LRP1B: variants seen among roughly 807,000 people sequenced by gnomAD.
LRP1B encodes the protein low-density lipoprotein receptor-related protein 1B.
A neutral mutation model predicts 556.6 loss-of-function variants in LRP1B; 217 were observed. The observed-to-expected ratio is 0.39, with a 90% CI of 0.35 to 0.44. The LOEUF is 0.44. LRP1B is among the 20% of genes least tolerant of loss of function. LRP1B has a pLI of 1.00. For missense variants in LRP1B, 5,053 were observed against 5,620.8 expected (o/e 0.90, Z 3.23); for synonymous variants, 2,047 against 1,865.8 (o/e 1.10, Z -2.50).
At chr2:141,801,150 C>T (rs11673948) in intron 2 of LRP1B, among the ~76,000 whole-genome samples, 27,894 of 151,990 alleles carry the variant, frequency 0.18, 2,982 homozygotes, top group East Asian at 0.39. Flanking sequence ...TAATCTAATA[C>T]AGATTATAAC....
intron 1 of LRP1B, among the ~76,000 whole-genome samples, chr2:141,944,325 T>C (rs550111433): frequency 6.6e-6 from 1 of 152,318 alleles, no homozygotes; most frequent in Admixed American, 6.5e-5. Context: ...TGAAAAGATA[T>C]AATACTGGTT....
At chr2:141,922,420 T>C (rs1172297339) in intron 1 of LRP1B, among the ~76,000 whole-genome samples, 2 of 152,198 alleles carry the variant, frequency 1.3e-5, no homozygotes, top group Non-Finnish European at 2.9e-5. Context: ...TGCTACTGTT[T>C]ACAGTTCAGT....
intron 20 of LRP1B, among the ~76,000 whole-genome samples, chr2:140,927,581 CTGTT>C (rs1348924278): frequency 9.9e-5 from 15 of 151,742 alleles, no homozygotes; most frequent in Admixed American, 5.3e-4. Context: ...GCTGTTCAGC[CTGTT>C]TGTTTTCTAA....
intron 7 of LRP1B, among the ~76,000 whole-genome samples, chr2:141,105,210 G>T (rs1186937067): frequency 6.6e-6 from 1 of 152,048 alleles, no homozygotes; most frequent in Non-Finnish European, 1.5e-5. Flanking sequence ...TCTTCAAAAT[G>T]TGGGGAAAAA....
At chr2:142,025,642 G>A (rs1703477825) in intron 1 of LRP1B, among the ~76,000 whole-genome samples, 1 of 152,106 alleles carries the variant, frequency 6.6e-6, no homozygotes, top group African/African-American at 2.4e-5. Context: ...CCCCGGGTGG[G>A]TATGGTGTCA....
chr2:141,831,729 T>C (rs1182667268), intron 1 of LRP1B, among the ~76,000 whole-genome samples: 1 of 151,676 alleles, frequency 6.6e-6, no homozygotes, highest in African/African-American at 2.4e-5. Context: ...TGCTTTGTTG[T>C]TGTGTTGAGA....
intron 1 of LRP1B, among the ~76,000 whole-genome samples, chr2:141,931,152 T>A (rs1002785469): frequency 6.6e-6 from 1 of 152,066 alleles, no homozygotes; most frequent in African/African-American, 2.4e-5. Context: ...GTAATTGCTA[T>A]GACTAATTGA....
intron 1 of LRP1B, among the ~76,000 whole-genome samples, chr2:142,062,496 C>A (rs956345198): frequency 1.3e-5 from 2 of 151,664 alleles, no homozygotes; most frequent in Non-Finnish European, 2.9e-5. Context: ...AAGATGAAAG[C>A]TGAGGCAAAA....
At chr2:141,049,688 C>A (rs1698979562) in intron 10 of LRP1B, among the ~76,000 whole-genome samples, 1 of 152,060 alleles carries the variant, frequency 6.6e-6, no homozygotes, top group Non-Finnish European at 1.5e-5. Context: ...CAGAGGCAAA[C>A]AAAGAATCAT....
chr2:142,125,654 T>C (rs1707615820), intron 1 of LRP1B, among the ~76,000 whole-genome samples: 1 of 151,870 alleles, frequency 6.6e-6, no homozygotes, highest in African/African-American at 2.4e-5. Flanking sequence ...CTATAGACTA[T>C]ACAATTTGTG....
chr2:140,795,148 C>A (rs2104995342), intron 32 of LRP1B, among the ~76,000 whole-genome samples: 1 of 152,204 alleles, frequency 6.6e-6, no homozygotes, highest in African/African-American at 2.4e-5. Flanking sequence ...AACTAAAGAG[C>A]CTTCTTGTAA....
At chr2:141,622,340 TA>T in intron 2 of LRP1B, among the ~76,000 whole-genome samples, 1 of 152,358 alleles carries the variant, frequency 6.6e-6, no homozygotes, top group Admixed American at 6.5e-5. Context: ...TTCCAATTTT[TA>T]AATTTCTTTA....
chr2:140,277,137 G>A (rs985483096), intron 84 of LRP1B, among the ~76,000 whole-genome samples: 3 of 151,436 alleles, frequency 2.0e-5, no homozygotes, highest in Non-Finnish European at 4.4e-5. Flanking sequence ...AGAAAAAAAT[G>A]GATTAATATT....
rs1407484628 is a variant in LRP1B at position 142,115,841 on chromosome 2, A to T, written c.82+14807T>A. ...TATGTAATATATATCATATATATGT[A>T]ATATATATATATACATATATATATA... On this transcript the variant is annotated intron_variant, in intron 1 of 90. Transcript: ENST00000389484. Among the ~76,000 whole-genome samples, 12 of 5,536 alleles carry T rather than the reference A, an allele frequency of 2.2e-3. 5 individuals are homozygous for T. The highest frequency in any genetic ancestry group is 4.0e-3 in the African/African-American group (10 of 2,482). 3.6% of individuals were successfully genotyped at this position (5,536 alleles called of 152,430 possible). A position where few individuals can be genotyped will look rare whatever the true frequency, so the allele number is the denominator to read the frequency against.
intron 7 of LRP1B, among the ~76,000 whole-genome samples, chr2:141,098,424 G>A (rs549189048): frequency 3.9e-5 from 6 of 152,234 alleles, no homozygotes; most frequent in South Asian, 2.1e-4. Context: ...AAATGTCACT[G>A]TTTTTATTAT....
At position 140,855,088 on chromosome 2, in the gene LRP1B, T is replaced by C. The variant is rs150576759; in HGVS notation, c.4580-3305A>G. Among the ~76,000 whole-genome samples the C allele has an allele frequency of 6.9e-3, 1,057 of 152,248 alleles. 16 individuals carry two copies. The highest frequency in any genetic ancestry group is 0.024 in the African/African-American group (999 of 41,538). On this transcript the variant is annotated intron_variant, in intron 27 of 90. Coordinates refer to ENST00000389484, the MANE Select transcript of LRP1B (RefSeq NM_018557.3). ...ATAACCCCCACCTTTTATTTATGCA[T>C]TAAATAAAACATTATGAAGTATCTA... is the stretch of plus-strand genomic sequence containing the variant.
intron 2 of LRP1B, among the ~76,000 whole-genome samples, chr2:141,590,074 A>G (rs1482896791): frequency 1.3e-5 from 2 of 151,962 alleles, no homozygotes; most frequent in African/African-American, 2.4e-5. Flanking sequence ...ATTCATTACA[A>G]CCTATCCTGT....
At chr2:141,053,987 G>A (rs1277569763) in intron 10 of LRP1B, among the ~76,000 whole-genome samples, 1 of 151,948 alleles carries the variant, frequency 6.6e-6, no homozygotes, top group East Asian at 1.9e-4. Context: ...CTAGAAACAT[G>A]AGACCTGTTA....
At chr2:142,031,361 GT>G (rs1415012537) in intron 1 of LRP1B, among the ~76,000 whole-genome samples, 3 of 71,808 alleles carry the variant, frequency 4.2e-5, no homozygotes, top group Non-Finnish European at 6.1e-5. Context: ...TATACTCTAA[GT>G]TTTAGGGTAC....
Sources: allele counts gnomAD v4.1 joint callset (sites outside exome capture counted in the v4.1 genomes callset), GRCh38; gene constraint gnomAD v4.1.1; transcripts MANE v1.5; gene names NCBI Gene and HGNC (gene_info 2026-07-23, HGNC 2026-07-21).